Variants in HRH1 observed in about 807,000 individuals in gnomAD.
HRH1 encodes histamine receptor H1, also known as histamine H1 receptor.
In HRH1, 6 loss-of-function variants were observed where a neutral mutation model predicts 10.3. The observed-to-expected ratio is 0.58, with a 90% CI of 0.32 to 1.15. HRH1 has a LOEUF of 1.15. Ranked by LOEUF, HRH1 falls within the 50% of genes most tolerant of loss-of-function variation. HRH1 has a pLI of 0.05. For synonymous variants in HRH1, 242 were observed against 236.7 expected (o/e 1.02, Z -0.21); for missense variants, 514 against 615.3 (o/e 0.84, Z 1.74).
At position 11,262,985 on chromosome 3, in the gene HRH1, A is replaced by G. The variant is rs969236793; in HGVS notation, c.*2484A>G. ...GGTGCCATTATGTAATGTTGCCTTTACAACAACCTCATGAGGGAGATTTCC... is the reference window on the plus strand; with the variant it reads ...GGTGCCATTATGTAATGTTGCCTTTGCAACAACCTCATGAGGGAGATTTCC... On this transcript the variant is annotated 3_prime_UTR_variant, in exon 2 of 2. Transcript: ENST00000431010. 6.0e-6 allele frequency: 1 copy of G among 167,094 alleles called. No individual in the cohort carries two copies. The allele number at this position is 167,094 out of a possible 1,614,324, so 10.4% of individuals were successfully genotyped here.
intron 1 of HRH1, among the ~76,000 whole-genome samples, chr3:11,241,093 G>T (rs1559282677): frequency 6.6e-6 from 1 of 152,004 alleles, no homozygotes; most frequent in Non-Finnish European, 1.5e-5. Flanking sequence ...CAAAATGAAT[G>T]CAGTTAGCTC....
At position 11,260,639 on chromosome 3, in the gene HRH1, G is replaced by C; in HGVS notation, c.*138G>C. 1 of 776,024 alleles carries C rather than the reference G, an allele frequency of 1.3e-6. No individual in the cohort carries two copies. The highest frequency in any genetic ancestry group is 2.1e-6 in the Non-Finnish European group (1 of 469,116). 48.1% of individuals were successfully genotyped at this position (776,024 alleles called of 1,614,324 possible). ...CACAGTCTTAGGGGCTTGGTAGTTTGGAAAGTTCTTAGGCACCATAGAAGA... is the reference window on the plus strand; with the variant it reads ...CACAGTCTTAGGGGCTTGGTAGTTTCGAAAGTTCTTAGGCACCATAGAAGA... On this transcript the variant is annotated 3_prime_UTR_variant, in exon 2 of 2. Coordinates refer to ENST00000431010, the MANE Select transcript of HRH1 (RefSeq NM_001098212.2).
At chr3:11,142,307 C>T (rs1231116449) in intron 1 of HRH1, among the ~76,000 whole-genome samples, 3 of 152,232 alleles carry the variant, frequency 2.0e-5, no homozygotes, top group African/African-American at 4.8e-5. Context: ...CCCTTCTCTT[C>T]TCTGGGCCCA....
chr3:11,186,344 G>A (rs78522604), intron 1 of HRH1, among the ~76,000 whole-genome samples: 19 of 152,280 alleles, frequency 1.2e-4, no homozygotes, highest in African/African-American at 4.6e-4. Context: ...GAGCTGTTCT[G>A]CCATCATGCC....
chr3:11,213,675 T>A (rs897467453), intron 1 of HRH1, among the ~76,000 whole-genome samples: 5 of 152,206 alleles, frequency 3.3e-5, no homozygotes, highest in Non-Finnish European at 7.3e-5. Context: ...GCCTCCCTTA[T>A]GAGGGCATTA....
chr3:11,180,037 ACAGGCATGCAC>A (rs1937323301), intron 1 of HRH1, among the ~76,000 whole-genome samples: 1 of 152,180 alleles, frequency 6.6e-6, no homozygotes, highest in South Asian at 2.1e-4. Context: ...CGCTGGAATT[ACAGGCATGCAC>A]CACCACACCC....
chr3:11,234,315 G>A, intron 1 of HRH1: 1 of 1,578,774 alleles, frequency 6.3e-7, no homozygotes, highest in Non-Finnish European at 8.7e-7. Flanking sequence ...TCTTCTGCTT[G>A]TTCTGCTGGC....
At chr3:11,188,970 C>A (rs1314195267) in intron 1 of HRH1, among the ~76,000 whole-genome samples, 1 of 152,210 alleles carries the variant, frequency 6.6e-6, no homozygotes, top group African/African-American at 2.4e-5. Flanking sequence ...ATTCCTGTTC[C>A]TTCATGCATA....
At chr3:11,148,169 A>G (rs756455046) in intron 1 of HRH1, among the ~76,000 whole-genome samples, 3 of 140,546 alleles carry the variant, frequency 2.1e-5, no homozygotes, top group Admixed American at 7.3e-5. Context: ...ACAGAGTGAG[A>G]CTCTGTCAAA....
intron 1 of HRH1, among the ~76,000 whole-genome samples, chr3:11,200,736 T>C (rs1056846357): frequency 2.0e-5 from 3 of 152,150 alleles, no homozygotes; most frequent in Non-Finnish European, 4.4e-5. Flanking sequence ...ACCTAACCCT[T>C]ACGCAGAAAG....
chr3:11,175,105 C>G (rs1032866883), intron 1 of HRH1, among the ~76,000 whole-genome samples: 2 of 152,148 alleles, frequency 1.3e-5, no homozygotes, highest in African/African-American at 4.8e-5. Context: ...AGTTGGGATA[C>G]TAAGGCTTGG....
Position 11,180,321 on chromosome 3 carries a change from C to T in HRH1, c.-36+25767C>T, listed in dbSNP as rs377415192. Among the ~76,000 whole-genome samples the T allele has an allele frequency of 6.6e-5, 10 of 152,162 alleles. No homozygotes were observed. In the South Asian group the frequency reaches 1.5e-3, roughly 22 times the overall value. ...TCATGGAAGACAATTTTTCCACGGA[C>T]GGGGGTTGAAGGGGATGGTTTGAGG... On this transcript the variant is annotated intron_variant, in intron 1 of 1. Transcript: ENST00000431010.
intron 1 of HRH1, among the ~76,000 whole-genome samples, chr3:11,178,525 G>A (rs1416349333): frequency 6.6e-6 from 1 of 152,186 alleles, no homozygotes; most frequent in African/African-American, 2.4e-5. Flanking sequence ...TGATCTTTCT[G>A]CAGCGGGGTG....
At chr3:11,258,357 A>G (rs955906016) in intron 1 of HRH1, among the ~76,000 whole-genome samples, 3 of 152,004 alleles carry the variant, frequency 2.0e-5, no homozygotes, top group African/African-American at 7.2e-5. Flanking sequence ...CAGCTTAGTG[A>G]CAGCAAGGCC....
At chr3:11,216,751 G>A (rs1938513014) in intron 1 of HRH1, among the ~76,000 whole-genome samples, 1 of 152,166 alleles carries the variant, frequency 6.6e-6, no homozygotes, top group African/African-American at 2.4e-5. Flanking sequence ...ATGCTGGCAT[G>A]TGCCTGTGAT....
intron 1 of HRH1, among the ~76,000 whole-genome samples, chr3:11,254,639 C>T (rs1316750127): frequency 1.3e-5 from 2 of 152,234 alleles, no homozygotes; most frequent in African/African-American, 2.4e-5. Flanking sequence ...GCCACCGCAA[C>T]AAAGCAGCGG....
Position 11,222,200 on chromosome 3 carries a change from G to A in HRH1, c.-35-36803G>A, listed in dbSNP as rs1477584906. Among the ~76,000 whole-genome samples, 3 of 152,150 alleles carry A rather than the reference G, an allele frequency of 2.0e-5. 1 individual carries two copies. The highest frequency in any genetic ancestry group is 2.0e-4 in the Admixed American group (3 of 15,272). The stretch of plus-strand genomic sequence containing the variant: ...CTTGAACACCCACAGTCAGGAACTG[G>A]GTAAATAGCAAGGTGGCAGGAGGCA... On this transcript the variant is annotated intron_variant, in intron 1 of 1. Coordinates refer to ENST00000431010, the MANE Select transcript of HRH1 (RefSeq NM_001098212.2).
chr3:11,260,050 T>C lies in HRH1; in HGVS notation c.1013T>C (p.Leu338Pro). Residue 338 changes from leucine (L) to proline (P), a missense_variant, in exon 2 of 2, where the codon CTG becomes CCG. Physicochemically the swap from Leu to Pro is moderately conservative, Grantham distance 98. Transcript: ENST00000431010. ...HGQLKTDEQG[L>P]NTHGASEISE... ...CAGCTCAAGACAGATGAGCAGGGCCTGAACACACATGGGGCCAGCGAGATA... is the reference window on the plus strand; with the variant it reads ...CAGCTCAAGACAGATGAGCAGGGCCCGAACACACATGGGGCCAGCGAGATA... 1.2e-6 allele frequency: 2 copies of C among 1,614,122 alleles called. No individual in the cohort carries two copies. The highest frequency in any genetic ancestry group is 2.2e-5 in the South Asian group (2 of 91,074).
At chr3:11,207,739 G>A (rs1453367300) in intron 1 of HRH1, among the ~76,000 whole-genome samples, 1 of 152,120 alleles carries the variant, frequency 6.6e-6, no homozygotes, top group East Asian at 1.9e-4. Flanking sequence ...AGGTGTGCAA[G>A]AAATTTCAGC....
Sources: gnomAD v4.1 joint callset for allele counts (sites outside exome capture counted in the v4.1 genomes callset) on GRCh38, gnomAD v4.1.1 for gene constraint, MANE v1.5 for transcripts, NCBI Gene and HGNC (gene_info 2026-07-23, HGNC 2026-07-21) for gene names.